RSRC2: variants seen among roughly 807,000 people sequenced by gnomAD.
RSRC2 encodes the protein arginine/serine-rich coiled-coil protein 2.
Under a neutral mutation model 61.3 loss-of-function variants are expected in RSRC2, and 5 were observed. The ratio of observed to expected loss-of-function variants is 0.08; its 90% CI spans 0.04 to 0.17. The LOEUF (loss-of-function observed/expected upper bound fraction) is 0.17. RSRC2 is among the 10% of genes least tolerant of loss of function. The pLI is 1.00. For missense variants in RSRC2, 381 were observed against 518.8 expected, an observed-to-expected ratio of 0.73 and a Z score of 2.58; for synonymous variants, 202 against 166.5, an observed-to-expected ratio of 1.21 and a Z score of -1.64.
At chr12:122,512,391 T>A (rs1958589288) in intron 6 of RSRC2, among the ~76,000 whole-genome samples, 4 of 152,074 alleles carry the variant, frequency 2.6e-5, no homozygotes. Flanking sequence ...TGGGGCACTA[T>A]GGGTAATACA....
rs764931238 is a variant in RSRC2, at chr12:122,526,904, A to T, written c.-51T>A. The T allele has an allele frequency of 1.2e-6, 2 of 1,611,166 alleles. No homozygotes were observed. Among genetic ancestry groups the T allele is most frequent in the Non-Finnish European group, 1.7e-6 (2 of 1,177,350 alleles). ...GGCGCCTCCACTTGTCGCTTTCAAC[A>T]GTACCGGCCGCTCCGAAGCTTCGCC... On this transcript the variant is annotated 5_prime_UTR_variant, in exon 1 of 10. Transcript: ENST00000331738.
At chr12:122,522,411 G>GGC in intron 1 of RSRC2, 112 bp from the exon 2 acceptor site, 1 of 1,019,596 alleles carries the variant, frequency 9.8e-7, no homozygotes, top group Non-Finnish European at 1.4e-6. Context: ...CAATAAATCA[G>GGC]AATGCCTGCT....
Position 122,515,151 on chromosome 12 carries a change from T to C in RSRC2, c.679A>G (p.Arg227Gly), listed in dbSNP as rs1344791642. 1 of 1,614,074 alleles carries C rather than the reference T, an allele frequency of 6.2e-7. No homozygotes were observed. Residue 227 changes from arginine (R) to glycine (G), a missense_variant, in exon 6 of 10, where the codon AGA becomes GGA. Around this residue, in one of 4 missense-constraint regions of RSRC2, gnomAD observed 11 missense variants for 37.8 expected, o/e 0.29. Transcript: ENST00000331738. ...GCATCCATTGCTGTGTTTCTGCCTC[T>C]GAAGGGAGGTGGACTTGGAGTCCGG... ...LSRTPSPPPF[R>G]GRNTAMDAQE...
At chr12:122,513,935 G>C (rs533207308) in intron 6 of RSRC2, 15 of 310,450 alleles carry the variant, frequency 4.8e-5, no homozygotes, top group Non-Finnish European at 7.0e-5. Context: ...GAGAGGCTGA[G>C]GTGGGAGGAT....
rs1369843954 is a variant in RSRC2, at chr12:122,504,634, AC to A, written c.*892del. ...CAGAGCAAGATCCTGTCTCAAAAAAACAAACAAAAAAAATTTCTAATATTTT... is the reference window on the plus strand; with the variant it reads ...CAGAGCAAGATCCTGTCTCAAAAAAAAAACAAAAAAAATTTCTAATATTTT... On this transcript the variant is annotated 3_prime_UTR_variant, in exon 10 of 10. Coordinates refer to ENST00000331738, the MANE Select transcript of RSRC2 (RefSeq NM_023012.6). The A allele has an allele frequency of 2.0e-5, 3 of 152,510 alleles. No individual in the cohort carries two copies. The highest frequency in any genetic ancestry group is 4.8e-5 in the African/African-American group (2 of 41,448). The allele number at this position is 152,510 out of a possible 1,614,324, so 9.4% of individuals were successfully genotyped here.
intron 6 of RSRC2, chr12:122,514,662 T>C: frequency 8.9e-7 from 1 of 1,122,496 alleles, no homozygotes; most frequent in Non-Finnish European, 1.1e-6. Context: ...TAATGTATTA[T>C]CTGTTAATTG....
chr12:122,519,163 A>G (rs1959140757), intron 3 of RSRC2, 134 bp from the exon 4 acceptor site: 1 of 669,770 alleles, frequency 1.5e-6, no homozygotes, highest in Non-Finnish European at 2.5e-6. Flanking sequence ...AAAAAGATCT[A>G]GTTTCACATC....
chr12:122,514,735 G>T, intron 6 of RSRC2: 1 of 1,158,724 alleles, frequency 8.6e-7, no homozygotes, highest in Non-Finnish European at 1.1e-6. Context: ...TTGTCTATTT[G>T]AGGGAGAAAA....
chr12:122,506,079 T>G (rs897359933), intron 9 of RSRC2, among the ~76,000 whole-genome samples: 13 of 151,978 alleles, frequency 8.6e-5, no homozygotes, highest in Non-Finnish European at 1.5e-5. Flanking sequence ...TGAACTAGGC[T>G]GACACTATTA....
In RSRC2 at chr12:122,514,266, G is replaced by GTT. The variant is rs140608487; in HGVS notation, c.725+838_725+839insAA. ...AATTTATTTTTGTGTGTGTGTGTGT[G>GTT]TGTGTTTTTTTTTTTTGAGACTGAG... On this transcript the variant is annotated intron_variant, in intron 6 of 9. Coordinates refer to ENST00000331738, the MANE Select transcript of RSRC2 (RefSeq NM_023012.6). Among the ~76,000 whole-genome samples the GTT allele has an allele frequency of 6.1e-3, 835 of 137,274 alleles. 13 individuals carry two copies. Among genetic ancestry groups the GTT allele is most frequent in the Middle Eastern group, 0.019 (5 of 266 alleles). The allele number at this position is 137,274 out of a possible 152,430, so 90.1% of individuals were successfully genotyped here. A position where few individuals can be genotyped will look rare whatever the true frequency, so the allele number is the denominator to read the frequency against.
chr12:122,513,247 A>C (rs964609447), intron 6 of RSRC2, among the ~76,000 whole-genome samples: 16 of 147,652 alleles, frequency 1.1e-4, no homozygotes, highest in African/African-American at 4.0e-4. Context: ...AAATAAATAA[A>C]ATAAAATAAA....
intron 8 of RSRC2, 96 bp downstream of exon 8, chr12:122,508,122 G>A (rs1013819925): frequency 8.6e-7 from 1 of 1,161,060 alleles, no homozygotes; most frequent in South Asian, 1.3e-5. Flanking sequence ...TTCTTACAAA[G>A]TTAAGCCGAA....
Position 122,506,663 on chromosome 12 carries a change from G to A in RSRC2, c.1125+171C>T, listed in dbSNP as rs985865576. ...GTGTGTAGGGAGGACAGTGGGTAGG[G>A]GAGATGGAAATGTTTCAGAATGGGA... On this transcript the variant is annotated intron_variant, in intron 9 of 9. Transcript: ENST00000331738. 7.6e-5 allele frequency: 45 copies of A among 591,586 alleles called. No homozygotes were observed. The African/African-American group carries it at 7.8e-4, about 10-fold the overall frequency. The allele number at this position is 591,586 out of a possible 1,614,324, so 36.6% of individuals were successfully genotyped here.
chr12:122,509,319 A>T (rs1958324148), intron 7 of RSRC2, among the ~76,000 whole-genome samples: 1 of 151,552 alleles, frequency 6.6e-6, no homozygotes, highest in African/African-American at 2.4e-5. Context: ...GCGTGGTGGC[A>T]GGCGCCTATA....
intron 3 of RSRC2, chr12:122,521,128 C>G (rs1959196296): frequency 2.6e-6 from 1 of 382,502 alleles, no homozygotes; most frequent in African/African-American, 2.1e-5. Context: ...CTAAAAAAAC[C>G]AATCATATTC....
rs58751034 is a variant in RSRC2 at position 122,513,196 on chromosome 12, AAAATAAATAAAT to A, written c.725+1897_725+1908del. On this transcript the variant is annotated intron_variant, in intron 6 of 9. Coordinates refer to ENST00000331738, the MANE Select transcript of RSRC2 (RefSeq NM_023012.6). Reference sequence around the variant, plus strand: ...GGCAACAGAGCAAGACTCCGTCTCAAAAATAAATAAATAAATAAATAAATAAATAAATAAATA... The same window carrying A: ...GGCAACAGAGCAAGACTCCGTCTCAAAAATAAATAAATAAATAAATAAATA... 5.0e-3 allele frequency among the ~76,000 whole-genome samples: 653 copies of A among 129,914 alleles called. 3 individuals carry two copies. The highest frequency in any genetic ancestry group is 0.013 in the African/African-American group (443 of 35,092). 85.2% of individuals were successfully genotyped at this position (129,914 alleles called of 152,430 possible). A position where few individuals can be genotyped will look rare whatever the true frequency, so the allele number is the denominator to read the frequency against.
chr12:122,522,217 G>A lies in RSRC2; in HGVS notation c.89C>T (p.Ser30Phe). 6 of 1,614,102 alleles carry A rather than the reference G, an allele frequency of 3.7e-6. No individual in the cohort carries two copies. The highest frequency in any genetic ancestry group is 5.1e-6 in the Non-Finnish European group (6 of 1,179,966). ...ATGTTTTGAAGCTCTAGGAGAAACA[G>A]ATACTTCTGACTGCTCTTTTTTCTT... ...RDKKKEQSEV[S>F]VSPRASKHHY... The change falls in exon 2 of 10, where the codon TCT (serine) becomes TTT (phenylalanine). Residue 30 changes from serine (S) to phenylalanine (F), a missense_variant. Physicochemically the swap from Ser to Phe is radical, Grantham distance 155. Transcript: ENST00000331738.
chr12:122,521,175 A>G (rs1959197232), intron 3 of RSRC2: 1 of 444,878 alleles, frequency 2.2e-6, no homozygotes, highest in Admixed American at 3.7e-5. Context: ...TTTTCACAAT[A>G]TAATAAAATT....
intron 5 of RSRC2, 85 bp downstream of exon 5, chr12:122,517,142 A>G: frequency 6.3e-7 from 1 of 1,579,018 alleles, no homozygotes; most frequent in Non-Finnish European, 8.7e-7. Flanking sequence ...ATTGTGACTC[A>G]CAATTTTAAT....
Sources: allele counts gnomAD v4.1 joint callset (sites outside exome capture counted in the v4.1 genomes callset), GRCh38; gene constraint gnomAD v4.1.1; regional missense constraint gnomAD v4.1.1; transcripts MANE v1.5; gene names NCBI Gene and HGNC (gene_info 2026-07-23, HGNC 2026-07-21).